Variants in LINGO2 observed in about 807,000 individuals in gnomAD.
The protein encoded by LINGO2 is leucine rich repeat and Ig domain containing 2.
In LINGO2, 14 loss-of-function variants were observed where a neutral mutation model predicts 30.6. That is an observed-to-expected ratio of 0.46 (90% CI 0.30 to 0.72). LINGO2 has a LOEUF of 0.72. LINGO2 is among the 30% of genes least tolerant of loss of function. The pLI is 0.07. For synonymous variants in LINGO2, 317 were observed against 288.5 expected (o/e 1.10, Z -1.00); for missense variants, 729 against 751.7 (o/e 0.97, Z 0.35).
intron 1 of LINGO2, among the ~76,000 whole-genome samples, chr9:28,493,078 A>C (rs1247137654): frequency 6.6e-6 from 1 of 152,142 alleles, no homozygotes; most frequent in Non-Finnish European, 1.5e-5. Flanking sequence ...TAAAGGAAAC[A>C]AGTATCCCCT....
At chr9:28,293,061 C>T (rs532494348) in intron 4 of LINGO2, among the ~76,000 whole-genome samples, 6 of 151,906 alleles carry the variant, frequency 3.9e-5, no homozygotes, top group East Asian at 1.9e-4. Flanking sequence ...CTTGAGCCAC[C>T]GCACCCGGCT....
At chr9:28,368,629 C>A (rs1207729456) in intron 3 of LINGO2, among the ~76,000 whole-genome samples, 1 of 143,702 alleles carries the variant, frequency 7.0e-6, no homozygotes, top group Non-Finnish European at 1.5e-5. Context: ...CGGAGTCTCG[C>A]TTTGTAGCCC....
intron 1 of LINGO2, among the ~76,000 whole-genome samples, chr9:28,664,878 C>G (rs1475790824): frequency 6.6e-6 from 1 of 151,506 alleles, no homozygotes; most frequent in East Asian, 1.9e-4. Flanking sequence ...GCACTTATTA[C>G]TGAATATTTT....
chr9:29,208,288 TTTA>T, the LINGO2 span, among the ~76,000 whole-genome samples: 4 of 152,068 alleles, frequency 2.6e-5, no homozygotes, highest in Non-Finnish European at 5.9e-5. Context: ...CAACTGAGAC[TTTA>T]TTATTAAATG....
At chr9:28,651,717 A>G (rs1373719940) in intron 1 of LINGO2, among the ~76,000 whole-genome samples, 3 of 152,134 alleles carry the variant, frequency 2.0e-5, no homozygotes, top group Non-Finnish European at 4.4e-5. Flanking sequence ...CTATTCTAAC[A>G]TTTGTAATGG....
intron 2 of LINGO2, among the ~76,000 whole-genome samples, chr9:28,468,270 C>T (rs1825388749): frequency 6.6e-6 from 1 of 152,144 alleles, no homozygotes; most frequent in African/African-American, 2.4e-5. Flanking sequence ...TGTCAATACC[C>T]AGTTCCCTCA....
intron 1 of LINGO2, among the ~76,000 whole-genome samples, chr9:28,650,083 G>C (rs933071619): frequency 5.9e-5 from 9 of 151,646 alleles, no homozygotes; most frequent in Non-Finnish European, 1.2e-4. Flanking sequence ...TGTACTAAAG[G>C]TCTGATGAAG....
intron 2 of LINGO2, among the ~76,000 whole-genome samples, chr9:28,384,404 T>A (rs1488477174): frequency 6.7e-6 from 1 of 149,704 alleles, no homozygotes; most frequent in East Asian, 2.0e-4. Context: ...TTGTATGTAA[T>A]CATTTGGACA....
At chr9:28,782,863 C>A in the LINGO2 span, among the ~76,000 whole-genome samples, 1 of 152,162 alleles carries the variant, frequency 6.6e-6, no homozygotes, top group Non-Finnish European at 1.5e-5. Context: ...CTGCAGAGCA[C>A]ACTTACACAA....
At chr9:28,366,975 T>C (rs1820703224) in intron 3 of LINGO2, among the ~76,000 whole-genome samples, 1 of 152,096 alleles carries the variant, frequency 6.6e-6, no homozygotes, top group African/African-American at 2.4e-5. Flanking sequence ...CATTTTTTCT[T>C]CCTCCTCCTC....
intron 5 of LINGO2, among the ~76,000 whole-genome samples, chr9:28,003,442 G>A (rs943891936): frequency 1.3e-5 from 2 of 151,992 alleles, no homozygotes; most frequent in African/African-American, 4.8e-5. Context: ...TATTAGAGGT[G>A]TTTTGGGTCT....
At chr9:28,640,826 C>T (rs1230566642) in intron 1 of LINGO2, among the ~76,000 whole-genome samples, 1 of 152,130 alleles carries the variant, frequency 6.6e-6, no homozygotes, top group Non-Finnish European at 1.5e-5. Context: ...TCTCTCAACT[C>T]GTCAAAGTCA....
chr9:29,064,739 T>C, the LINGO2 span, among the ~76,000 whole-genome samples: 2 of 152,102 alleles, frequency 1.3e-5, no homozygotes, highest in Non-Finnish European at 2.9e-5. Flanking sequence ...AGATGATTGA[T>C]AAAAATGATT....
chr9:28,039,178 T>G (rs777197889), intron 4 of LINGO2, among the ~76,000 whole-genome samples: 11 of 152,198 alleles, frequency 7.2e-5, no homozygotes, highest in Non-Finnish European at 1.5e-4. Context: ...AAGTAGGCCG[T>G]GGGCATCTAC....
At chr9:28,656,686 A>C (rs1828359674) in intron 1 of LINGO2, among the ~76,000 whole-genome samples, 1 of 152,090 alleles carries the variant, frequency 6.6e-6, no homozygotes, top group Non-Finnish European at 1.5e-5. Context: ...TGTTATAGGG[A>C]CAAGGAGGAA....
chr9:28,672,592 T>C (rs1295995534), upstream of LINGO2, among the ~76,000 whole-genome samples: 2 of 152,208 alleles, frequency 1.3e-5, no homozygotes, highest in Non-Finnish European at 2.9e-5. Context: ...TTCCTACTCA[T>C]TATAAGTTTT....
chr9:28,412,576 C>T (rs1457612665), intron 2 of LINGO2, among the ~76,000 whole-genome samples: 2 of 151,910 alleles, frequency 1.3e-5, no homozygotes, highest in Non-Finnish European at 2.9e-5. Context: ...AGCAAAATAG[C>T]AAGACACAAA....
At chr9:28,943,891 A>AGAT in the LINGO2 span, among the ~76,000 whole-genome samples, 1 of 152,216 alleles carries the variant, frequency 6.6e-6, no homozygotes, top group Non-Finnish European at 1.5e-5. Context: ...TGTCGAGCTA[A>AGAT]GATTAACTTC....
intron 4 of LINGO2, among the ~76,000 whole-genome samples, chr9:28,151,653 A>G (rs779050549): frequency 5.3e-5 from 8 of 151,872 alleles, no homozygotes; most frequent in Non-Finnish European, 7.4e-5. Context: ...TGAAGTTGAT[A>G]GGATTTTGTT....
Sources: gnomAD v4.1 joint callset for allele counts (sites outside exome capture counted in the v4.1 genomes callset) on GRCh38, gnomAD v4.1.1 for gene constraint, MANE v1.5 for transcripts, NCBI Gene and HGNC (gene_info 2026-07-23, HGNC 2026-07-21) for gene names.